The following EML3 variants were observed in gnomAD, a reference collection of about 807,000 sequenced individuals.
EML3 encodes the protein echinoderm microtubule-associated protein-like 3.
EML3 carries 53 observed loss-of-function variants against 106.7 expected under a neutral mutation model. The ratio of observed to expected loss-of-function variants is 0.50; its 90% CI spans 0.40 to 0.62. EML3 has a LOEUF of 0.62. Ranked by LOEUF, EML3 falls within the 20% of genes least tolerant of loss-of-function variation. EML3 has a pLI of 0.00. For synonymous variants in EML3, 499 were observed against 489.6 expected, an observed-to-expected ratio of 1.02 and a Z score of -0.25; for missense variants, 994 against 1,209.1, an observed-to-expected ratio of 0.82 and a Z score of 2.64.
At position 62,607,781 on chromosome 11, in the gene EML3, C is replaced by T. The variant is rs142782428; in HGVS notation, c.1247G>A (p.Arg416His). Residue 416 changes from arginine (R) to histidine (H), a missense_variant, in exon 11 of 22, where the codon CGT (arginine) becomes CAT (histidine). Coordinates refer to ENST00000394773, the MANE Select transcript of EML3 (RefSeq NM_153265.3). Reference protein sequence around the residue: ...DSVLAVGFNPRDSSCIVTSGK... With the variant: ...DSVLAVGFNPHDSSCIVTSGK... ...ACTGGTGACGATGCAGCTGCTGTCA[C>T]GAGGGTTGAAGCCAACGGCCAGGAC... 13 of 1,613,886 alleles carry T rather than the reference C, an allele frequency of 8.1e-6. No individual in the cohort carries two copies. The African/African-American group carries it at 9.4e-5, about 12-fold the overall frequency.
chr11:62,605,738 G>A lies in EML3; in HGVS notation c.1818C>T (p.His606=), dbSNP rs1475400780. 1.3e-6 allele frequency: 2 copies of A among 1,599,774 alleles called. No individual in the cohort carries two copies. The highest frequency in any genetic ancestry group is 2.2e-5 in the East Asian group (1 of 44,818). ...HTDELWGLCT[H]PSQNRFLTCG... ...AGGTGAGGAAGCGGTTCTGGGAGGG[G>A]TGTGTGCAGAGCCCCCAGAGCTCAT... is the stretch of plus-strand genomic sequence containing the variant. Residue 606 remains histidine (H), a synonymous_variant, in exon 15 of 22, where the codon CAC becomes CAT. Transcript: ENST00000394773. The surrounding 1 kb of genome is among the most constrained non-coding windows in gnomAD (Gnocchi z 5.2).
intron 19 of EML3, 80 bp from the exon 20 acceptor site, chr11:62,603,327 G>T: frequency 7.3e-7 from 1 of 1,379,262 alleles, no homozygotes; most frequent in Non-Finnish European, 1.0e-6. Flanking sequence ...AGACTGGAAA[G>T]ACTGGCATGA....
intron 12 of EML3, chr11:62,606,535 A>T: frequency 2.6e-6 from 1 of 390,228 alleles, no homozygotes; most frequent in Non-Finnish European, 4.6e-6. Context: ...CTAGCCCCCA[A>T]GAGAACTATC....
chr11:62,609,627 A>T lies in EML3; in HGVS notation c.634+2T>A. 6.2e-7 allele frequency: 1 copy of T among 1,605,458 alleles called. No homozygotes were observed. Among genetic ancestry groups the T allele is most frequent in the Admixed American group, 1.7e-5 (1 of 58,578 alleles). Reference sequence around the variant, plus strand: ...TTTTCCTCTCTGTCCCTCTTTACATACCCAAATTGTAATTGCTCCTCCGAG... The same window carrying T: ...TTTTCCTCTCTGTCCCTCTTTACATTCCCAAATTGTAATTGCTCCTCCGAG... On this transcript the variant is annotated splice_donor_variant, in intron 5 of 21. Transcript: ENST00000394773. LOFTEE classifies it high-confidence loss of function.
rs1202270454 is a variant in EML3 at position 62,603,829 on chromosome 11, G to A, written c.2170-13C>T. On this transcript the variant is annotated splice_polypyrimidine_tract_variant and intron_variant, in intron 18 of 21. Transcript: ENST00000394773. The stretch of plus-strand genomic sequence containing the variant: ...AGCTGGAGTGACCCTGGGAGCAAAG[G>A]TCAAGAGTTTTAAAGTATCCCATCC... 6 of 1,613,942 alleles carry A rather than the reference G, an allele frequency of 3.7e-6. No homozygotes were observed. The highest frequency in any genetic ancestry group is 2.7e-5 in the African/African-American group (2 of 75,020).
chr11:62,606,020 T>C (rs376428089), intron 13 of EML3, 40 bp from the exon 14 acceptor site: 16 of 1,613,628 alleles, frequency 9.9e-6, no homozygotes, highest in South Asian at 2.2e-5. Context: ...CCACTGACTA[T>C]TGCTCTTCTC....
At chr11:62,607,533 G>C in intron 11 of EML3, 133 bp downstream of exon 11, 3 of 1,075,152 alleles carry the variant, frequency 2.8e-6, no homozygotes, top group Non-Finnish European at 3.9e-6. Context: ...GCAAGACTCC[G>C]TCTCAAAAGA....
At chr11:62,607,333 C>CAAA in intron 11 of EML3, 1 of 363,524 alleles carries the variant, frequency 2.8e-6, no homozygotes, top group Non-Finnish European at 4.8e-6. Flanking sequence ...ACAAAAAAAA[C>CAAA]AAAAAAAAAA....
Position 62,607,084 on chromosome 11 carries a change from T to A in EML3, c.1378A>T (p.Lys460Ter). ...QGVFGKYKKP[K>*]FIPCFVFLPD... Reference sequence around the variant, plus strand: ...AGGAACACAAAGCAAGGGATAAACTTGGGTTTCTTGTATTTCTAGTGGGAG... The same window carrying A: ...AGGAACACAAAGCAAGGGATAAACTAGGGTTTCTTGTATTTCTAGTGGGAG... The change falls in exon 12 of 22, where the codon AAG becomes TAG. Residue 460 changes from lysine to a stop codon, truncating the protein, a stop_gained. Coordinates refer to ENST00000394773, the MANE Select transcript of EML3 (RefSeq NM_153265.3). LOFTEE classifies it high-confidence loss of function. 1.2e-6 allele frequency: 2 copies of A among 1,613,836 alleles called. No individual in the cohort carries two copies. Among genetic ancestry groups the A allele is most frequent in the Non-Finnish European group, 1.7e-6 (2 of 1,179,904 alleles).
chr11:62,607,097 T>C lies in EML3; in HGVS notation c.1365A>G (p.Lys455=), dbSNP rs766087144. 4.3e-6 allele frequency: 7 copies of C among 1,613,724 alleles called. No homozygotes were observed. The highest frequency in any genetic ancestry group is 1.7e-4 in the Middle Eastern group (1 of 6,056). Residue 455 remains lysine, a splice_region_variant and synonymous_variant, in exon 12 of 22, where the codon AAA becomes AAG. Coordinates refer to ENST00000394773, the MANE Select transcript of EML3 (RefSeq NM_153265.3). Reference sequence around the variant, plus strand: ...AAGGGATAAACTTGGGTTTCTTGTATTTCTAGTGGGAGGGGAGAGCAGACA... The same window carrying C: ...AAGGGATAAACTTGGGTTTCTTGTACTTCTAGTGGGAGGGGAGAGCAGACA... ...TLTRKQGVFG[K]YKKPKFIPCF...
In EML3 at chr11:62,611,669, C is replaced by G. The variant is rs1459438100; in HGVS notation, c.23-73G>C. ...AAGCGTAGAGGGGATTCTGTCTCCC[C>G]ACAACTTTACATGTGTCCGGTAGGA... On this transcript the variant is annotated intron_variant, in intron 1 of 21. Coordinates refer to ENST00000394773, the MANE Select transcript of EML3 (RefSeq NM_153265.3). The G allele has an allele frequency of 2.3e-5, 34 of 1,487,766 alleles. No homozygotes were observed. In the East Asian group the frequency reaches 6.3e-4, roughly 27 times the overall value. The allele number at this position is 1,487,766 out of a possible 1,614,324, so 92.2% of individuals were successfully genotyped here. A position where few individuals can be genotyped will look rare whatever the true frequency, so the allele number is the denominator to read the frequency against.
rs1355775012 is a variant in EML3, at chr11:62,603,740, T to C, written c.2246A>G (p.Glu749Gly). 1 of 1,613,886 alleles carries C rather than the reference T, an allele frequency of 6.2e-7. No individual in the cohort carries two copies. The highest frequency in any genetic ancestry group is 8.5e-7 in the Non-Finnish European group (1 of 1,179,948). The change falls in exon 19 of 22, where the codon GAG (glutamate) becomes GGG (glycine). Residue 749 changes from glutamate to glycine, a missense_variant. Physicochemically the swap from Glu to Gly is moderately conservative, Grantham distance 98. Around this residue, in one of 3 missense-constraint regions of EML3, gnomAD observed 713 missense variants for 920.5 expected, o/e 0.77. Transcript: ENST00000394773. The part of the protein sequence containing the change: ...NFIMSNSGDY[E>G]ILYWDVAGGC... ...CCACTGCCACTCACAGTAAAGAATC[T>C]CATAGTCCCCAGAATTGGACATGAT... is the stretch of plus-strand genomic sequence containing the variant.
chr11:62,602,702 G>A (rs368072617), intron 21 of EML3, 24 bp from the exon 22 acceptor site: 40 of 1,598,168 alleles, frequency 2.5e-5, no homozygotes, highest in Non-Finnish European at 3.3e-5. Context: ...AAGAGTTGCG[G>A]TGGCGGCTGA....
At position 62,605,522 on chromosome 11, in the gene EML3, GC is replaced by G; in HGVS notation, c.1914+119del. 2 of 1,316,840 alleles carry G rather than the reference GC, an allele frequency of 1.5e-6. No individual in the cohort carries two copies. The highest frequency in any genetic ancestry group is 2.1e-6 in the Non-Finnish European group (2 of 972,066). The allele number at this position is 1,316,840 out of a possible 1,614,324, so 81.6% of individuals were successfully genotyped here. ...AATTAATATTTGAGTAGCCAGTGCA[GC>G]CATACCAGTACAAACTGGCCACCTC... On this transcript the variant is annotated intron_variant, in intron 15 of 21. Coordinates refer to ENST00000394773, the MANE Select transcript of EML3 (RefSeq NM_153265.3). This position sits in a 1 kb window ranked among gnomAD's most constrained non-coding sequence, Gnocchi z 5.2.
chr11:62,606,150 C>A lies in EML3; in HGVS notation c.1569G>T (p.Arg523=). ...CACCACTCAGCACTGTCCCGTCCCT[C>A]CGGAGACACAAGGCGAAGATAGAAC... ...HEGSIFALCL[R]RDGTVLSGGG... The change falls in exon 13 of 22, where the codon CGG becomes CGT. Residue 523 remains arginine, a synonymous_variant. Coordinates refer to ENST00000394773, the MANE Select transcript of EML3 (RefSeq NM_153265.3). 6.2e-7 allele frequency: 1 copy of A among 1,614,138 alleles called. No homozygotes were observed. The highest frequency in any genetic ancestry group is 8.5e-7 in the Non-Finnish European group (1 of 1,180,042).
intron 1 of EML3, chr11:62,611,838 A>G: frequency 1.8e-6 from 1 of 563,418 alleles, no homozygotes; most frequent in Non-Finnish European, 3.1e-6. Flanking sequence ...CTCCGCAAAG[A>G]CTGGGAGTAC....
chr11:62,610,823 GGAAAGTC>G, intron 4 of EML3, 49 bp downstream of exon 4: 1 of 1,463,838 alleles, frequency 6.8e-7, no homozygotes, highest in Non-Finnish European at 9.4e-7. Context: ...TGAGGGATAT[GGAAAGTC>G]GAGAGCCTGC....
In EML3 at chr11:62,603,139, C is replaced by CTGGAAA. The variant is rs770990530; in HGVS notation, c.2356+9_2356+10insTTTCCA. ...CCACCCTTCCAGCAGGTTTCCACGCCCCTGCTCACCGTAGACGTGAAAGCC... is the reference window on the plus strand; with the variant it reads ...CCACCCTTCCAGCAGGTTTCCACGCCTGGAAACCTGCTCACCGTAGACGTGAAAGCC... On this transcript the variant is annotated intron_variant, in intron 20 of 21. Coordinates refer to ENST00000394773, the MANE Select transcript of EML3 (RefSeq NM_153265.3). 1 of 1,613,632 alleles carries CTGGAAA rather than the reference C, an allele frequency of 6.2e-7. No homozygotes were observed. Among genetic ancestry groups the CTGGAAA allele is most frequent in the South Asian group, 1.1e-5 (1 of 91,082 alleles).
At position 62,607,028 on chromosome 11, in the gene EML3, T is replaced by A; in HGVS notation, c.1434A>T (p.Ser478=). 2 of 1,614,158 alleles carry A rather than the reference T, an allele frequency of 1.2e-6. No individual in the cohort carries two copies. ...GCCCCCAGGTGAGAATGTTCCCCTC[T>A]GAGTCTCCAGTGAGAATGTCTCCAT... ...LPDGDILTGD[S]EGNILTWGRS... The change falls in exon 12 of 22, where the codon TCA becomes TCT. Residue 478 remains serine (S), a synonymous_variant. Transcript: ENST00000394773.
Sources: allele counts gnomAD v4.1 joint callset, GRCh38; gene constraint gnomAD v4.1.1; regional missense constraint gnomAD v4.1.1; non-coding constraint Gnocchi (gnomAD v3.1); transcripts MANE v1.5; gene names NCBI Gene and HGNC (gene_info 2026-07-23, HGNC 2026-07-21).